Variants in LRP1B observed in about 807,000 individuals in gnomAD.
The protein encoded by LRP1B is low-density lipoprotein receptor-related protein 1B.
LRP1B carries 217 observed loss-of-function variants against 556.6 expected under a neutral mutation model. That is an observed-to-expected ratio of 0.39 (90% CI 0.35 to 0.44). The LOEUF is 0.44. Among genes scored for constraint, LRP1B ranks in the 20% least tolerant of loss-of-function variants. The pLI is 1.00. For synonymous variants in LRP1B, 2,047 were observed against 1,865.8 expected, an observed-to-expected ratio of 1.10 and a Z score of -2.50; for missense variants, 5,053 against 5,620.8, an observed-to-expected ratio of 0.90 and a Z score of 3.23.
At chr2:140,787,263 T>C (rs1237539428) in intron 32 of LRP1B, among the ~76,000 whole-genome samples, 1 of 152,130 alleles carries the variant, frequency 6.6e-6, no homozygotes, top group African/African-American at 2.4e-5. Flanking sequence ...AAAGGATAAA[T>C]CCCAAACATC....
chr2:141,671,746 G>T (rs354853), intron 2 of LRP1B, among the ~76,000 whole-genome samples: 31,460 of 151,410 alleles, frequency 0.21, 4,818 homozygotes, highest in African/African-American at 0.43. Flanking sequence ...TTATCTGGCA[G>T]AAAATAGGTA....
intron 3 of LRP1B, among the ~76,000 whole-genome samples, chr2:141,351,896 G>A (rs1209821930): frequency 6.6e-6 from 1 of 151,904 alleles, no homozygotes; most frequent in Non-Finnish European, 1.5e-5. Context: ...TATAGTGACA[G>A]TAGGAAGAGA....
intron 7 of LRP1B, among the ~76,000 whole-genome samples, chr2:141,163,067 A>G (rs1301795925): frequency 6.6e-6 from 1 of 152,110 alleles, no homozygotes; most frequent in Non-Finnish European, 1.5e-5. Flanking sequence ...AGAAAGTTCC[A>G]GGGAGAATCA....
At chr2:140,737,865 G>A (rs1318926422) in intron 35 of LRP1B, among the ~76,000 whole-genome samples, 3 of 152,168 alleles carry the variant, frequency 2.0e-5, no homozygotes, top group African/African-American at 7.2e-5. Context: ...TAATAGCCCT[G>A]GTGGCAGCTG....
intron 3 of LRP1B, among the ~76,000 whole-genome samples, chr2:141,286,960 T>C (rs938520776): frequency 6.6e-6 from 1 of 152,198 alleles, no homozygotes; most frequent in Non-Finnish European, 1.5e-5. Context: ...CTGAATTTTG[T>C]TTAATTTTAG....
intron 75 of LRP1B, among the ~76,000 whole-genome samples, chr2:140,353,444 T>C (rs1260975109): frequency 6.6e-6 from 1 of 152,094 alleles, no homozygotes; most frequent in Non-Finnish European, 1.5e-5. Context: ...TGGGGGTTTG[T>C]TGTATAGATT....
chr2:142,094,170 C>T (rs72994130), intron 1 of LRP1B, among the ~76,000 whole-genome samples: 3,862 of 152,164 alleles, frequency 0.025, 159 homozygotes, highest in African/African-American at 0.088. Context: ...GCCAAAGGCC[C>T]ACCTTTTAAC....
intron 1 of LRP1B, among the ~76,000 whole-genome samples, chr2:141,812,127 T>C (rs185535961): frequency 6.0e-4 from 91 of 152,256 alleles, no homozygotes; most frequent in Admixed American, 4.9e-3. Context: ...TGGTGTGTGA[T>C]ATTTATAAGT....
At chr2:141,220,622 GAAAA>G (rs553644230) in intron 6 of LRP1B, among the ~76,000 whole-genome samples, 5 of 118,188 alleles carry the variant, frequency 4.2e-5, no homozygotes, top group African/African-American at 1.6e-4. Flanking sequence ...TCCAAGGTTG[GAAAA>G]AAAAAAAAAA....
At chr2:141,981,233 A>G (rs1452220676) in intron 1 of LRP1B, among the ~76,000 whole-genome samples, 1 of 152,096 alleles carries the variant, frequency 6.6e-6, no homozygotes, top group Admixed American at 6.6e-5. Context: ...AAACAAGGCC[A>G]TGGTATAGAA....
intron 65 of LRP1B, among the ~76,000 whole-genome samples, chr2:140,443,522 C>A (rs1573944640): frequency 1.3e-5 from 2 of 152,282 alleles, no homozygotes; most frequent in East Asian, 1.9e-4. Flanking sequence ...TGGATGACTG[C>A]ACATTATTTA....
At chr2:142,088,584 T>C (rs892797365) in intron 1 of LRP1B, among the ~76,000 whole-genome samples, 13 of 152,176 alleles carry the variant, frequency 8.5e-5, no homozygotes, top group Admixed American at 5.9e-4. Context: ...AAGCTAGTCA[T>C]GGGTGATCAA....
chr2:141,228,177 A>G (rs1010015129), intron 6 of LRP1B, among the ~76,000 whole-genome samples: 1 of 152,146 alleles, frequency 6.6e-6, no homozygotes, highest in Non-Finnish European at 1.5e-5. Flanking sequence ...TTGGCCTCCC[A>G]AAGTGCTGGG....
At chr2:141,922,551 C>T (rs939802186) in intron 1 of LRP1B, among the ~76,000 whole-genome samples, 2 of 152,154 alleles carry the variant, frequency 1.3e-5, no homozygotes, top group Non-Finnish European at 2.9e-5. Context: ...TTCTTCTCCT[C>T]CACCTGATCT....
chr2:141,582,761 T>A (rs1352390305), intron 2 of LRP1B, among the ~76,000 whole-genome samples: 1 of 149,938 alleles, frequency 6.7e-6, no homozygotes, highest in Non-Finnish European at 1.5e-5. Flanking sequence ...TGAAGCATTT[T>A]AAAAAAATTA....
chr2:142,025,474 T>G (rs142022295), intron 1 of LRP1B, among the ~76,000 whole-genome samples: 1 of 152,268 alleles, frequency 6.6e-6, no homozygotes, highest in Admixed American at 6.5e-5. Flanking sequence ...AATTTGAATC[T>G]AGGTATCCAG....
intron 63 of LRP1B, among the ~76,000 whole-genome samples, chr2:140,447,961 G>A (rs529471368): frequency 6.6e-6 from 1 of 152,138 alleles, no homozygotes; most frequent in South Asian, 2.1e-4. Flanking sequence ...TATCAGTTAA[G>A]TTTGTTGTCT....
At chr2:141,520,730 A>G (rs574949431) in intron 2 of LRP1B, among the ~76,000 whole-genome samples, 1 of 152,230 alleles carries the variant, frequency 6.6e-6, no homozygotes, top group African/African-American at 2.4e-5. Flanking sequence ...AAACACACAA[A>G]AAAAAGTGGA....
At chr2:140,368,750 T>C (rs1682868029) in intron 71 of LRP1B, among the ~76,000 whole-genome samples, 1 of 151,842 alleles carries the variant, frequency 6.6e-6, no homozygotes, top group Non-Finnish European at 1.5e-5. Context: ...TGAGATTTAA[T>C]AGAAAAGATA....
Sources: gnomAD v4.1 joint callset for allele counts (sites outside exome capture counted in the v4.1 genomes callset) on GRCh38, gnomAD v4.1.1 for gene constraint, MANE v1.5 for transcripts, NCBI Gene and HGNC (gene_info 2026-07-23, HGNC 2026-07-21) for gene names.